Variants in CNTN5 observed in about 807,000 individuals in gnomAD.
CNTN5 encodes the protein contactin 5.
CNTN5 carries 77 observed loss-of-function variants against 129.1 expected under a neutral mutation model. The observed-to-expected ratio is 0.60, with a 90% CI of 0.50 to 0.72. CNTN5 has a LOEUF of 0.72. Among genes scored for constraint, CNTN5 ranks in the 30% least tolerant of loss-of-function variants. The pLI is 0.00. For missense variants in CNTN5, 1,478 were observed against 1,328.8 expected, an observed-to-expected ratio of 1.11 and a Z score of -1.75; for synonymous variants, 509 against 465.6, an observed-to-expected ratio of 1.09 and a Z score of -1.20.
chr11:99,776,725 CAT>C (rs1945137715), intron 3 of CNTN5, among the ~76,000 whole-genome samples: 1 of 151,440 alleles, frequency 6.6e-6, no homozygotes, highest in Admixed American at 6.6e-5. Flanking sequence ...CTAATCAACT[CAT>C]GTGGAACACG....
At chr11:99,259,220 G>A (rs894013580) in intron 1 of CNTN5, among the ~76,000 whole-genome samples, 4 of 151,480 alleles carry the variant, frequency 2.6e-5, no homozygotes, top group African/African-American at 7.3e-5. Flanking sequence ...AAACAAATAC[G>A]ATCACATATT....
intron 2 of CNTN5, among the ~76,000 whole-genome samples, chr11:99,481,527 G>A (rs902680592): frequency 3.3e-5 from 5 of 152,122 alleles, no homozygotes; most frequent in Non-Finnish European, 5.9e-5. Flanking sequence ...GATTATGTGA[G>A]AAATCTTTTA....
intron 1 of CNTN5, among the ~76,000 whole-genome samples, chr11:99,295,187 C>T (rs182634610): frequency 1.2e-4 from 18 of 152,056 alleles, no homozygotes; most frequent in African/African-American, 3.4e-4. Flanking sequence ...TCCCATAAAC[C>T]GAACCACCAA....
chr11:99,626,598 T>C (rs1418517886), intron 3 of CNTN5, among the ~76,000 whole-genome samples: 1 of 152,166 alleles, frequency 6.6e-6, no homozygotes, highest in East Asian at 1.9e-4. Context: ...GCTTTCTGCA[T>C]GTAATTGCAA....
intron 13 of CNTN5, among the ~76,000 whole-genome samples, chr11:100,097,815 T>A (rs561153814): frequency 6.6e-6 from 1 of 152,260 alleles, no homozygotes; most frequent in South Asian, 2.1e-4. Context: ...CTATTCATTT[T>A]TCATGGAATG....
intron 2 of CNTN5, among the ~76,000 whole-genome samples, chr11:99,471,765 G>A (rs536891814): frequency 6.6e-6 from 1 of 151,998 alleles, no homozygotes; most frequent in Admixed American, 6.6e-5. Flanking sequence ...ATAGCATTTT[G>A]TACATTCCCT....
chr11:99,328,081 AT>A (rs1192840056), intron 2 of CNTN5, among the ~76,000 whole-genome samples: 1 of 152,204 alleles, frequency 6.6e-6, no homozygotes, highest in Non-Finnish European at 1.5e-5. Flanking sequence ...TGTGCTCTGA[AT>A]TTCAAAAATA....
At chr11:99,688,087 C>T (rs954573445) in intron 3 of CNTN5, among the ~76,000 whole-genome samples, 11 of 152,018 alleles carry the variant, frequency 7.2e-5, no homozygotes, top group African/African-American at 2.7e-4. Context: ...ATTCCCTTTG[C>T]GATATATTCA....
chr11:100,217,615 T>G (rs1949168308), intron 15 of CNTN5, among the ~76,000 whole-genome samples: 1 of 152,174 alleles, frequency 6.6e-6, no homozygotes, highest in Non-Finnish European at 1.5e-5. Flanking sequence ...GAGAGGTATT[T>G]TATGGAGCAT....
At chr11:99,423,996 C>G (rs138634120) in intron 2 of CNTN5, among the ~76,000 whole-genome samples, 5 of 152,090 alleles carry the variant, frequency 3.3e-5, no homozygotes, top group Non-Finnish European at 2.9e-5. Context: ...GTTCCAAGAA[C>G]CCCATTAGGT....
intron 13 of CNTN5, among the ~76,000 whole-genome samples, chr11:100,092,194 T>C (rs2138004583): frequency 6.6e-6 from 1 of 152,268 alleles, no homozygotes; most frequent in South Asian, 2.1e-4. Context: ...TAAGCTGAGT[T>C]GGATTTTCAA....
chr11:99,892,993 T>G (rs1029707313), intron 6 of CNTN5, among the ~76,000 whole-genome samples: 3 of 152,130 alleles, frequency 2.0e-5, no homozygotes, highest in African/African-American at 7.2e-5. Flanking sequence ...CCTAAATATA[T>G]TGCATGAGCA....
At chr11:99,989,979 A>G (rs1938957523) in intron 8 of CNTN5, among the ~76,000 whole-genome samples, 1 of 152,080 alleles carries the variant, frequency 6.6e-6, no homozygotes, top group Non-Finnish European at 1.5e-5. Flanking sequence ...GTTAGCCAAG[A>G]TGGTCTCAGT....
At chr11:99,940,552 A>T (rs1565700485) in intron 7 of CNTN5, among the ~76,000 whole-genome samples, 1 of 152,164 alleles carries the variant, frequency 6.6e-6, no homozygotes, top group Non-Finnish European at 1.5e-5. Flanking sequence ...TTACAACGAC[A>T]TCAACATTAT....
chr11:99,239,543 A>G (rs902066348), intron 1 of CNTN5, among the ~76,000 whole-genome samples: 5 of 152,182 alleles, frequency 3.3e-5, no homozygotes, highest in African/African-American at 1.2e-4. Flanking sequence ...AACTAACTGT[A>G]GCTTTCCAAC....
At chr11:99,062,169 T>C (rs1205611990) in intron 1 of CNTN5, among the ~76,000 whole-genome samples, 2 of 152,114 alleles carry the variant, frequency 1.3e-5, no homozygotes, top group South Asian at 2.1e-4. Flanking sequence ...AATGAGACCA[T>C]GAACCAGATT....
intron 3 of CNTN5, among the ~76,000 whole-genome samples, chr11:99,573,944 T>G (rs1448929872): frequency 2.0e-5 from 3 of 152,162 alleles, no homozygotes; most frequent in Non-Finnish European, 2.9e-5. Context: ...CTGGGATACA[T>G]GTGCAGAACG....
chr11:99,222,172 T>C (rs1476067550), intron 1 of CNTN5, among the ~76,000 whole-genome samples: 1 of 152,002 alleles, frequency 6.6e-6, no homozygotes, highest in East Asian at 1.9e-4. Context: ...TTTATAAATG[T>C]GTAATGAATG....
At chr11:99,179,495 CA>C (rs1159838815) in intron 1 of CNTN5, among the ~76,000 whole-genome samples, 2 of 151,760 alleles carry the variant, frequency 1.3e-5, no homozygotes, top group African/African-American at 2.4e-5. Flanking sequence ...TAAAAAACAA[CA>C]AAAAAAGAAA....
Sources: gnomAD v4.1 joint callset for allele counts (sites outside exome capture counted in the v4.1 genomes callset) on GRCh38, gnomAD v4.1.1 for gene constraint, MANE v1.5 for transcripts, NCBI Gene and HGNC (gene_info 2026-07-23, HGNC 2026-07-21) for gene names.